Variants in DLGAP2 observed in about 807,000 individuals in gnomAD.
DLGAP2 encodes the protein disks large-associated protein 2.
In DLGAP2, 26 loss-of-function variants were observed where a neutral mutation model predicts 100.3. The ratio of observed to expected loss-of-function variants is 0.26; its 90% CI spans 0.19 to 0.36. DLGAP2 has a LOEUF of 0.36. Ranked by LOEUF, DLGAP2 falls within the 10% of genes least tolerant of loss-of-function variation. The pLI is 1.00. For missense variants in DLGAP2, 1,858 were observed against 1,453.2 expected, an observed-to-expected ratio of 1.28 and a Z score of -4.53; for synonymous variants, 886 against 630.1, an observed-to-expected ratio of 1.41 and a Z score of -6.08.
At chr8:1,667,819 T>C (rs1444349128) in intron 8 of DLGAP2, among the ~76,000 whole-genome samples, 1 of 152,228 alleles carries the variant, frequency 6.6e-6, no homozygotes, top group Non-Finnish European at 1.5e-5. Flanking sequence ...ACGCCATGCC[T>C]GTGCGCTGTC....
chr8:1,361,205 T>C (rs151052337), intron 3 of DLGAP2, among the ~76,000 whole-genome samples: 28 of 152,274 alleles, frequency 1.8e-4, no homozygotes, highest in Non-Finnish European at 2.8e-4. Context: ...ACTGCAAATG[T>C]GTAGCCCTGA....
chr8:1,321,033 G>A (rs1017523450), intron 3 of DLGAP2, among the ~76,000 whole-genome samples: 13 of 151,920 alleles, frequency 8.6e-5, no homozygotes, highest in Middle Eastern at 6.8e-3. Context: ...GTGCCTCTGT[G>A]CCCAGGCATC....
At chr8:884,049 A>G (rs1219096596) in intron 1 of DLGAP2, among the ~76,000 whole-genome samples, 3 of 152,124 alleles carry the variant, frequency 2.0e-5, no homozygotes, top group South Asian at 2.1e-4. Flanking sequence ...ATTGATGGGC[A>G]TTTGTGTTGG....
intron 3 of DLGAP2, among the ~76,000 whole-genome samples, chr8:1,287,458 A>T (rs113221314): frequency 4.9e-4 from 44 of 89,836 alleles, no homozygotes; most frequent in Middle Eastern, 0.013. Flanking sequence ...GAGGGGAACT[A>T]GTTTCGGTTC....
At chr8:951,725 A>G (rs1443468305) in intron 2 of DLGAP2, among the ~76,000 whole-genome samples, 1 of 152,198 alleles carries the variant, frequency 6.6e-6, no homozygotes, top group Non-Finnish European at 1.5e-5. Context: ...GAGCATCGTC[A>G]TTCAGACGGG....
intron 4 of DLGAP2, among the ~76,000 whole-genome samples, chr8:1,503,605 T>C (rs7006345): frequency 0.77 from 116,335 of 151,946 alleles, 44,793 homozygotes; most frequent in African/African-American, 0.81. Flanking sequence ...CACGTCACTG[T>C]TTTCGGTTCA....
chr8:1,236,966 CA>C (rs1798671782), intron 2 of DLGAP2, among the ~76,000 whole-genome samples: 1 of 151,252 alleles, frequency 6.6e-6, no homozygotes, highest in Non-Finnish European at 1.5e-5. Flanking sequence ...AGTTCTCTCA[CA>C]TGGTGCCGTG....
chr8:1,632,781 T>C, intron 7 of DLGAP2, 46 bp from the exon 8 acceptor site: 1 of 1,538,898 alleles, frequency 6.5e-7, no homozygotes, highest in Non-Finnish European at 8.8e-7. Context: ...AACGTGATGG[T>C]GACCCTGGAG....
chr8:1,010,987 C>T lies in DLGAP2; in HGVS notation c.73+103021C>T, dbSNP rs546229157. ...GGGCCTCAGTCTGCATGGTGAGCCC[C>T]GGGCGAGGGGCCTCAGTCTACATAG... On this transcript the variant is annotated intron_variant, in intron 2 of 14. Coordinates refer to ENST00000637795, the MANE Select transcript of DLGAP2 (RefSeq NM_001346810.2). Among the ~76,000 whole-genome samples, 296 of 146,660 alleles carry T rather than the reference C, an allele frequency of 2.0e-3. 3 individuals carry two copies. Among genetic ancestry groups the T allele is most frequent in the African/African-American group, 7.7e-3 (282 of 36,786 alleles).
chr8:1,090,348 C>A (rs1804136468), intron 2 of DLGAP2, among the ~76,000 whole-genome samples: 1 of 132,998 alleles, frequency 7.5e-6, no homozygotes, highest in Admixed American at 8.5e-5. Context: ...CCTCTGGGGC[C>A]CTCCTGGCCA....
At chr8:935,684 G>A (rs1799054868) in intron 2 of DLGAP2, among the ~76,000 whole-genome samples, 1 of 151,806 alleles carries the variant, frequency 6.6e-6, no homozygotes, top group African/African-American at 2.4e-5. Context: ...GTGTCTAAGT[G>A]TGTTTCCTTC....
At chr8:1,001,597 C>G (rs1052377084) in intron 2 of DLGAP2, among the ~76,000 whole-genome samples, 1 of 152,158 alleles carries the variant, frequency 6.6e-6, no homozygotes, top group Non-Finnish European at 1.5e-5. Flanking sequence ...CCGAATTGCT[C>G]TTAAGTGCAA....
chr8:1,155,289 G>C (rs1389096645), intron 2 of DLGAP2, among the ~76,000 whole-genome samples: 7 of 152,156 alleles, frequency 4.6e-5, no homozygotes, highest in Non-Finnish European at 1.0e-4. Context: ...TTCCCGGAGG[G>C]AGTGGTTTCC....
At chr8:1,434,119 C>T (rs144057944) in intron 3 of DLGAP2, among the ~76,000 whole-genome samples, 60 of 152,180 alleles carry the variant, frequency 3.9e-4, no homozygotes, top group South Asian at 1.5e-3. Flanking sequence ...AGCATGGAGA[C>T]GTGGCCGCAG....
intron 2 of DLGAP2, among the ~76,000 whole-genome samples, chr8:1,206,547 GCGGTT>G (rs1797997319): frequency 1.3e-5 from 2 of 150,830 alleles, no homozygotes; most frequent in East Asian, 4.0e-4. Context: ...TAGACTGTGA[GCGGTT>G]AATCTCCAGC....
At chr8:1,328,318 T>C (rs1478811631) in intron 3 of DLGAP2, among the ~76,000 whole-genome samples, 1 of 150,328 alleles carries the variant, frequency 6.7e-6, no homozygotes, top group Non-Finnish European at 1.5e-5. Context: ...GTACAGTTAA[T>C]ATTATTATTA....
At chr8:1,215,705 C>T (rs12171662) in intron 2 of DLGAP2, among the ~76,000 whole-genome samples, 1,895 of 16,304 alleles carry the variant, frequency 0.12, 331 homozygotes, top group African/African-American at 0.37. Context: ...GTCCAGGTAC[C>T]TGGATGGGTT....
intron 1 of DLGAP2, among the ~76,000 whole-genome samples, chr8:865,165 G>T: frequency 6.6e-6 from 1 of 152,222 alleles, no homozygotes; most frequent in East Asian, 1.9e-4. Context: ...GGCCCACCAG[G>T]ACGACGGGTG....
chr8:1,088,331 C>T (rs1804045536), intron 2 of DLGAP2, among the ~76,000 whole-genome samples: 1 of 152,016 alleles, frequency 6.6e-6, no homozygotes, highest in Non-Finnish European at 1.5e-5. Flanking sequence ...GGACAGGGCA[C>T]CAAGGGCCTG....
Sources: allele counts gnomAD v4.1 joint callset (sites outside exome capture counted in the v4.1 genomes callset), GRCh38; gene constraint gnomAD v4.1.1; transcripts MANE v1.5; gene names NCBI Gene and HGNC (gene_info 2026-07-23, HGNC 2026-07-21).